PSMD14: variants seen among roughly 807,000 people sequenced by gnomAD.
PSMD14 encodes proteasome 26S subunit, non-ATPase 14, also known as ubiquitin C-terminal hydrolase PSMD14.
Under a neutral mutation model 41.2 loss-of-function variants are expected in PSMD14, and 7 were observed. That is an observed-to-expected ratio of 0.17 (90% CI 0.10 to 0.32). The LOEUF (loss-of-function observed/expected upper bound fraction) is 0.32, where lower values mean the gene tolerates loss of function less well. PSMD14 is among the 10% of genes least tolerant of loss of function. The probability of loss-of-function intolerance (pLI) is 1.00; values close to 1 mark genes in which losing one functional copy is unlikely to be tolerated. For synonymous variants in PSMD14, 114 were observed against 122.3 expected (o/e 0.93, Z 0.45); for missense variants, 139 against 375.6 (o/e 0.37, Z 5.21).
intron 3 of PSMD14, among the ~76,000 whole-genome samples, chr2:161,357,696 TA>T (rs985653060): frequency 9.2e-5 from 14 of 152,312 alleles, no homozygotes; most frequent in Admixed American, 3.9e-4. Flanking sequence ...AGTTGCAGAA[TA>T]TTCAGATGTT....
chr2:161,326,348 G>T (rs1682699882), intron 3 of PSMD14, among the ~76,000 whole-genome samples: 1 of 152,016 alleles, frequency 6.6e-6, no homozygotes, highest in Non-Finnish European at 1.5e-5. Flanking sequence ...CATAATTTTT[G>T]CAGGTACACC....
At chr2:161,403,217 AG>A (rs755810167) in intron 10 of PSMD14, among the ~76,000 whole-genome samples, 2 of 152,256 alleles carry the variant, frequency 1.3e-5, no homozygotes, top group Non-Finnish European at 2.9e-5. Context: ...AGTCATAAAA[AG>A]GAATGGAGTG....
chr2:161,372,805 CA>C (rs1457743766), intron 7 of PSMD14, among the ~76,000 whole-genome samples: 1 of 151,692 alleles, frequency 6.6e-6, no homozygotes, highest in Non-Finnish European at 1.5e-5. Flanking sequence ...TACTGTTTTA[CA>C]AATATAACAA....
At chr2:161,369,991 T>C in intron 5 of PSMD14, 116 bp from the exon 6 acceptor site, 1 of 658,730 alleles carries the variant, frequency 1.5e-6, no homozygotes, top group South Asian at 2.1e-5. Flanking sequence ...TGAGTAGGTA[T>C]CAAATGTAGG....
At chr2:161,355,782 T>C (rs923459317) in intron 3 of PSMD14, among the ~76,000 whole-genome samples, 7 of 152,350 alleles carry the variant, frequency 4.6e-5, no homozygotes, top group Admixed American at 3.9e-4. Context: ...AAAAAATTTC[T>C]ACTGCTGTAT....
At chr2:161,389,892 T>TG in intron 8 of PSMD14, among the ~76,000 whole-genome samples, 1 of 4,488 alleles carries the variant, frequency 2.2e-4, no homozygotes, top group Admixed American at 3.1e-3. Flanking sequence ...TTTTGTTGTT[T>TG]TTTTTTTTTT....
chr2:161,358,295 G>A (rs564751432), intron 3 of PSMD14, among the ~76,000 whole-genome samples: 1 of 152,060 alleles, frequency 6.6e-6, no homozygotes, highest in African/African-American at 2.4e-5. Flanking sequence ...TGATCACTTA[G>A]TCCATTTTAG....
rs71281822 is a variant in PSMD14 at position 161,357,076 on chromosome 2, C to CTTTTTT, written c.49-10395_49-10390dup. Reference sequence around the variant, plus strand: ...TTTATGCTGTTATAATGGCAAATGCCTTTTTTTTTTTTAGCACTTAGTCAA... The same window carrying CTTTTTT: ...TTTATGCTGTTATAATGGCAAATGCCTTTTTTTTTTTTTTTTTTAGCACTTAGTCAA... On this transcript the variant is annotated intron_variant, in intron 3 of 11. Coordinates refer to ENST00000409682, the MANE Select transcript of PSMD14 (RefSeq NM_005805.6). Among the ~76,000 whole-genome samples the CTTTTTT allele has an allele frequency of 3.5e-4, 44 of 124,184 alleles. 1 individual carries two copies. Among genetic ancestry groups the CTTTTTT allele is most frequent in the Admixed American group, 1.2e-3 (15 of 12,546 alleles). 81.5% of individuals were successfully genotyped at this position (124,184 alleles called of 152,430 possible). A position where few individuals can be genotyped will look rare whatever the true frequency, so the allele number is the denominator to read the frequency against.
intron 3 of PSMD14, among the ~76,000 whole-genome samples, chr2:161,343,820 T>C (rs1683001483): frequency 1.9e-5 from 1 of 52,284 alleles, no homozygotes; most frequent in African/African-American, 9.2e-5. Flanking sequence ...GGAGTGATAC[T>C]CTGTCTCAAA....
At chr2:161,341,085 C>T in intron 3 of PSMD14, 5 of 1,526,104 alleles carry the variant, frequency 3.3e-6, no homozygotes, top group South Asian at 2.4e-5. Flanking sequence ...CCCGAGCTCC[C>T]CCAGCCCCGC....
intron 10 of PSMD14, among the ~76,000 whole-genome samples, chr2:161,406,282 A>G (rs1177940523): frequency 6.6e-6 from 1 of 152,204 alleles, no homozygotes; most frequent in Non-Finnish European, 1.5e-5. Context: ...CAGACCGTGC[A>G]TGATGGGATA....
intron 10 of PSMD14, among the ~76,000 whole-genome samples, chr2:161,403,605 C>T (rs1336623045): frequency 2.6e-5 from 4 of 152,144 alleles, no homozygotes; most frequent in Non-Finnish European, 5.9e-5. Flanking sequence ...TGACTGACTT[C>T]TCATTGCCTT....
intron 3 of PSMD14, among the ~76,000 whole-genome samples, chr2:161,345,173 A>G (rs1482770152): frequency 6.6e-6 from 1 of 151,442 alleles, no homozygotes; most frequent in African/African-American, 2.4e-5. Context: ...TTAAAGATCA[A>G]TGGACTATTA....
intron 10 of PSMD14, 104 bp from the exon 11 acceptor site, chr2:161,408,733 T>G (rs1474867830): frequency 1.3e-5 from 10 of 783,404 alleles, no homozygotes; most frequent in Non-Finnish European, 2.1e-5. Context: ...TGAATAAAAG[T>G]TGTATGAATG....
At chr2:161,362,753 T>C (rs1388492149) in intron 3 of PSMD14, among the ~76,000 whole-genome samples, 1 of 152,212 alleles carries the variant, frequency 6.6e-6, no homozygotes, top group East Asian at 1.9e-4. Flanking sequence ...GGCTGTTTGG[T>C]TTCTCTACTC....
At chr2:161,372,885 GA>G (rs1340996799) in intron 7 of PSMD14, among the ~76,000 whole-genome samples, 1 of 151,722 alleles carries the variant, frequency 6.6e-6, no homozygotes, top group African/African-American at 2.4e-5. Flanking sequence ...AATATAATTA[GA>G]ATTCTATTTT....
rs71281822 is a variant in PSMD14, at chr2:161,357,076, C to CTT, written c.49-10391_49-10390dup. ...TTTATGCTGTTATAATGGCAAATGC[C>CTT]TTTTTTTTTTTTAGCACTTAGTCAA... is the stretch of plus-strand genomic sequence containing the variant. On this transcript the variant is annotated intron_variant, in intron 3 of 11. Coordinates refer to ENST00000409682, the MANE Select transcript of PSMD14 (RefSeq NM_005805.6). 1.5e-4 allele frequency among the ~76,000 whole-genome samples: 19 copies of CTT among 124,150 alleles called. 2 individuals carry two copies. The highest frequency in any genetic ancestry group is 2.4e-4 in the Non-Finnish European group (15 of 61,478). 81.4% of individuals were successfully genotyped at this position (124,150 alleles called of 152,430 possible).
chr2:161,313,846 G>C (rs933847278), intron 1 of PSMD14, among the ~76,000 whole-genome samples: 4 of 152,122 alleles, frequency 2.6e-5, no homozygotes, highest in Middle Eastern at 3.4e-3. Context: ...ATTACTTCTG[G>C]TTCTTGTATT....
At chr2:161,366,387 AACACACACACACAC>A (rs36202166) in intron 3 of PSMD14, among the ~76,000 whole-genome samples, 5 of 148,398 alleles carry the variant, frequency 3.4e-5, no homozygotes, top group African/African-American at 7.4e-5. Context: ...AATAGAATTT[AACACACACACACAC>A]ACACACACAC....
Sources: gnomAD v4.1 joint callset for allele counts (sites outside exome capture counted in the v4.1 genomes callset) on GRCh38, gnomAD v4.1.1 for gene constraint, MANE v1.5 for transcripts, NCBI Gene and HGNC (gene_info 2026-07-23, HGNC 2026-07-21) for gene names.